Variants in LIPA observed in about 807,000 individuals in gnomAD.
LIPA encodes lipase A, lysosomal acid type, also known as lysosomal acid lipase/cholesteryl ester hydrolase.
In LIPA, 26 loss-of-function variants were observed where a neutral mutation model predicts 40.6. That is an observed-to-expected ratio of 0.64 (90% CI 0.47 to 0.89). The LOEUF (loss-of-function observed/expected upper bound fraction) is 0.89. LIPA is among the 40% of genes least tolerant of loss of function. The probability of loss-of-function intolerance (pLI) is 0.00; values close to 1 mark genes in which losing one functional copy is unlikely to be tolerated. For missense variants in LIPA, 455 were observed against 479.6 expected (o/e 0.95, Z 0.48); for synonymous variants, 188 against 168.4 (o/e 1.12, Z -0.90).
chr10:89,232,181 C>G (rs998147973), intron 3 of LIPA, among the ~76,000 whole-genome samples: 2 of 152,158 alleles, frequency 1.3e-5, no homozygotes, highest in Non-Finnish European at 2.9e-5. Context: ...GGTAACTGTA[C>G]GTGAGAATGG....
At chr10:89,321,947 T>C (rs1843574475) in intron 1 of LIPA, among the ~76,000 whole-genome samples, 1 of 152,158 alleles carries the variant, frequency 6.6e-6, no homozygotes, top group South Asian at 2.1e-4. Flanking sequence ...GAAACCATCA[T>C]TCTGAGCAAA....
chr10:89,333,938 T>A (rs1239628368), intron 1 of LIPA, among the ~76,000 whole-genome samples: 1 of 152,210 alleles, frequency 6.6e-6, no homozygotes, highest in Non-Finnish European at 1.5e-5. Context: ...TCTGGAGAGT[T>A]CCTTCACTTG....
At chr10:89,275,404 T>C (rs889638368) in intron 1 of LIPA, among the ~76,000 whole-genome samples, 1 of 152,220 alleles carries the variant, frequency 6.6e-6, no homozygotes, top group Non-Finnish European at 1.5e-5. Context: ...GAGAGCTGAC[T>C]TGGGTTCTAG....
intron 3 of LIPA, among the ~76,000 whole-genome samples, chr10:89,239,946 C>T (rs1017861018): frequency 6.6e-6 from 1 of 152,174 alleles, no homozygotes; most frequent in Non-Finnish European, 1.5e-5. Context: ...TCTGCCACCA[C>T]GGCCTGTCCT....
intron 2 of LIPA, chr10:89,403,298 G>A (rs1190612241): frequency 1.2e-5 from 20 of 1,614,070 alleles, no homozygotes; most frequent in Non-Finnish European, 1.7e-5. Flanking sequence ...CATTTGAGGT[G>A]GCTCATCTAG....
chr10:89,236,333 T>C (rs1842904335), intron 3 of LIPA, among the ~76,000 whole-genome samples: 1 of 152,042 alleles, frequency 6.6e-6, no homozygotes, highest in Non-Finnish European at 1.5e-5. Flanking sequence ...CTCCTGTTGC[T>C]CAAGTATTGT....
At chr10:89,220,573 G>T (rs1233728165) in intron 8 of LIPA, among the ~76,000 whole-genome samples, 2 of 152,166 alleles carry the variant, frequency 1.3e-5, no homozygotes, top group East Asian at 3.8e-4. Context: ...AGCATGTGCT[G>T]TTCAGCACGT....
intron 1 of LIPA, chr10:89,339,407 A>G: frequency 6.2e-7 from 1 of 1,614,212 alleles, no homozygotes; most frequent in South Asian, 1.1e-5. Context: ...GCCAAATTTT[A>G]CAGAAGAAAA....
At chr10:89,242,663 A>C (rs1842977064) in intron 3 of LIPA, among the ~76,000 whole-genome samples, 1 of 152,212 alleles carries the variant, frequency 6.6e-6, no homozygotes, top group African/African-American at 2.4e-5. Context: ...TCCACAAGGA[A>C]TGTGGTACCA....
At chr10:89,222,127 C>G (rs1454746978) in intron 8 of LIPA, among the ~76,000 whole-genome samples, 1 of 151,526 alleles carries the variant, frequency 6.6e-6, no homozygotes, top group Non-Finnish European at 1.5e-5. Context: ...GACTTAAAAT[C>G]ACTCTTTATG....
At chr10:89,237,274 G>A (rs1226516776) in intron 3 of LIPA, among the ~76,000 whole-genome samples, 4 of 152,010 alleles carry the variant, frequency 2.6e-5, no homozygotes, top group African/African-American at 7.3e-5. Flanking sequence ...GCAAGATGCT[G>A]TCTCTAAAAA....
chr10:89,298,571 T>G (rs940172487), intron 1 of LIPA, among the ~76,000 whole-genome samples: 1 of 152,202 alleles, frequency 6.6e-6, no homozygotes, highest in Non-Finnish European at 1.5e-5. Context: ...ACTATTATAT[T>G]AGATGCTCAG....
chr10:89,240,110 T>G (rs1230376297), intron 3 of LIPA, among the ~76,000 whole-genome samples: 1 of 152,214 alleles, frequency 6.6e-6, no homozygotes, highest in Non-Finnish European at 1.5e-5. Context: ...GGGCTAGAAA[T>G]GACACAGTGC....
intron 1 of LIPA, among the ~76,000 whole-genome samples, chr10:89,297,888 C>T (rs1328886039): frequency 6.6e-6 from 1 of 152,224 alleles, no homozygotes; most frequent in Non-Finnish European, 1.5e-5. Context: ...TGAGTGGTGA[C>T]TGCACCCCCA....
At chr10:89,383,834 AC>A in intron 2 of LIPA, 1 of 1,614,154 alleles carries the variant, frequency 6.2e-7, no homozygotes, top group Non-Finnish European at 8.5e-7. Flanking sequence ...AACCCTGAAA[AC>A]CCTGAATTCA....
chr10:89,388,794 TAA>T (rs140698869), intron 2 of LIPA, among the ~76,000 whole-genome samples: 333 of 140,086 alleles, frequency 2.4e-3, no homozygotes, highest in East Asian at 4.8e-3. Context: ...GCCTGAAATG[TAA>T]AAAAAAAAAA....
In LIPA at chr10:89,214,734, G is replaced by C; in HGVS notation, c.*94C>G. On this transcript the variant is annotated 3_prime_UTR_variant, in exon 10 of 10. Coordinates refer to ENST00000336233, the MANE Select transcript of LIPA (RefSeq NM_000235.4). ...TTGGATATAAAAAAACAAAAGACCT[G>C]GGAAAGAAAAACAAGTGTTTTACAG... is the stretch of plus-strand genomic sequence containing the variant. 2.5e-6 allele frequency: 2 copies of C among 796,234 alleles called. No homozygotes were observed. The highest frequency in any genetic ancestry group is 4.2e-6 in the Non-Finnish European group (2 of 475,670). 49.3% of individuals were successfully genotyped at this position (796,234 alleles called of 1,614,324 possible). A position where few individuals can be genotyped will look rare whatever the true frequency, so the allele number is the denominator to read the frequency against.
chr10:89,233,622 G>C (rs930005583), intron 3 of LIPA, among the ~76,000 whole-genome samples: 2 of 152,166 alleles, frequency 1.3e-5, no homozygotes, highest in Admixed American at 1.3e-4. Context: ...ATGGCAGGCC[G>C]GGCACGGTGG....
chr10:89,359,846 C>A (rs1430941959), intron 2 of LIPA, among the ~76,000 whole-genome samples: 2 of 148,028 alleles, frequency 1.4e-5, no homozygotes, highest in Admixed American at 1.3e-4. Flanking sequence ...CACACACAAA[C>A]ACACACACAC....
Sources: allele counts gnomAD v4.1 joint callset (sites outside exome capture counted in the v4.1 genomes callset), GRCh38; gene constraint gnomAD v4.1.1; transcripts MANE v1.5; gene names NCBI Gene and HGNC (gene_info 2026-07-23, HGNC 2026-07-21).